The following CHPF variants were observed in gnomAD, a reference collection of about 807,000 sequenced individuals.
The protein encoded by CHPF is chondroitin polymerizing factor, also known as chondroitin polymerizing factor, non-catalytic subunit.
Under a neutral mutation model 55.1 loss-of-function variants are expected in CHPF, and 34 were observed. That is an observed-to-expected ratio of 0.62 (90% CI 0.47 to 0.82). The LOEUF is 0.82. Ranked by LOEUF, CHPF falls within the 40% of genes least tolerant of loss-of-function variation. CHPF has a pLI of 0.00. For missense variants in CHPF, 961 were observed against 1,106.1 expected (o/e 0.87, Z 1.86); for synonymous variants, 489 against 496.6 (o/e 0.98, Z 0.20).
Position 219,539,900 on chromosome 2 carries a change from T to C in CHPF, c.1811A>G (p.Lys604Arg), listed in dbSNP as rs1391811546. 1 of 1,613,684 alleles carries C rather than the reference T, an allele frequency of 6.2e-7. No homozygotes were observed. ...CAGGAACAGTGTGTCCAGCGGGTGC[T>C]TCTTGGAGAGTAGATCCATGAGGCG... ...PLRLMDLLSK[K>R]HPLDTLFLLA... The change falls in exon 4 of 4, where the codon AAG (lysine) becomes AGG (arginine). Residue 604 changes from lysine to arginine, a missense_variant. Physicochemically the swap from Lys to Arg is conservative, Grantham distance 26. Transcript: ENST00000243776.
Position 219,540,263 on chromosome 2 carries a change from C to G in CHPF, c.1448G>C (p.Arg483Pro), listed in dbSNP as rs775950895. 1.2e-6 allele frequency: 2 copies of G among 1,613,662 alleles called. No individual in the cohort carries two copies. Among genetic ancestry groups the G allele is most frequent in the African/African-American group, 2.7e-5 (2 of 74,938 alleles). ...TPQGGRRPLTRRVQLLRPLSR... is the reference protein window; with the variant it reads ...TPQGGRRPLTPRVQLLRPLSR... Reference sequence around the variant, plus strand: ...CAGCGGCCGGAGCAGCTGCACTCGGCGAGTGAGGGGCCGGCGGCCTCCCTG... The same window carrying G: ...CAGCGGCCGGAGCAGCTGCACTCGGGGAGTGAGGGGCCGGCGGCCTCCCTG... Residue 483 changes from arginine (R) to proline (P), a missense_variant, in exon 4 of 4, where the codon CGC becomes CCC. This residue lies in a region of CHPF where 936 missense variants were observed against 1,058.4 expected (regional missense o/e 0.88). Transcript: ENST00000243776.
chr2:219,542,216 T>A, intron 1 of CHPF, 27 bp from the exon 2 acceptor site: 1 of 164,192 alleles, frequency 6.1e-6, no homozygotes, highest in Non-Finnish European at 1.0e-5. Context: ...CACAAGCTTA[T>A]CAAAAGGACA....
Position 219,540,564 on chromosome 2 carries a change from A to G in CHPF, c.1147T>C (p.Ser383Pro). 1 of 1,613,678 alleles carries G rather than the reference A, an allele frequency of 6.2e-7. No individual in the cohort carries two copies. Among genetic ancestry groups the G allele is most frequent in the East Asian group, 2.2e-5 (1 of 44,842 alleles). Residue 383 changes from serine to proline, a missense_variant, in exon 4 of 4, where the codon TCC becomes CCC. Around this residue, in one of 3 missense-constraint regions of CHPF, gnomAD observed 936 missense variants for 1,058.4 expected, o/e 0.88. Transcript: ENST00000243776. ...ACCTCAAAGCGGGAGGCCGGGCGGG[A>G]TGGTGCTGGAATACCCACGGGCCAA... ...AAWPVGIPAPSRPASRFEVLR... is the reference protein window; with the variant it reads ...AAWPVGIPAPPRPASRFEVLR...
chr2:219,540,467 C>G lies in CHPF; in HGVS notation c.1244G>C (p.Arg415Pro). The G allele has an allele frequency of 6.2e-7, 1 of 1,613,964 alleles. No homozygotes were observed. Among genetic ancestry groups the G allele is most frequent in the Non-Finnish European group, 8.5e-7 (1 of 1,179,984 alleles). Residue 415 changes from arginine (R) to proline (P), a missense_variant, in exon 4 of 4, where the codon CGT (arginine) becomes CCT (proline). Arg to Pro is a moderately radical substitution (Grantham distance 103, BLOSUM62 -2). Transcript: ENST00000243776. ...GGCCACATCAGCCCGGTCAGCCCCA[C>G]GCAGTGGGCAGCGGGGTGAGCCATC... ...CADGSPRCPL[R>P]GADRADVADV...
chr2:219,540,224 A>T lies in CHPF; in HGVS notation c.1487T>A (p.Ile496Asn), dbSNP rs1484564799. The change falls in exon 4 of 4, where the codon ATC (isoleucine) becomes AAC (asparagine). Residue 496 changes from isoleucine to asparagine, a missense_variant. By Grantham distance (149) the Ile-to-Asn change is moderately radical. Transcript: ENST00000243776. ...QLLRPLSRVE[I>N]LPVPYVTEAS... ...CTCAGTGACATAGGGCACAGGCAAG[A>T]TCTCCACGCGGCTCAGCGGCCGGAG... The T allele has an allele frequency of 1.2e-6, 2 of 1,613,600 alleles. No homozygotes were observed. The highest frequency in any genetic ancestry group is 2.2e-5 in the South Asian group (2 of 91,048).
Position 219,543,717 on chromosome 2 carries a change from A to G in CHPF, c.-179T>C, listed in dbSNP as rs1695328592. On this transcript the variant is annotated 5_prime_UTR_variant, in exon 1 of 4. Transcript: ENST00000243776. ...GCCGAATCCCCGGAGCCGCGCCTCG[A>G]TTCCCCTCCAGCAGCTGCTCTGGGC... is the stretch of plus-strand genomic sequence containing the variant. 6.8e-6 allele frequency: 3 copies of G among 438,742 alleles called. No homozygotes were observed. The highest frequency in any genetic ancestry group is 1.2e-5 in the Non-Finnish European group (3 of 256,294). 27.2% of individuals were successfully genotyped at this position (438,742 alleles called of 1,614,324 possible). A position where few individuals can be genotyped will look rare whatever the true frequency, so the allele number is the denominator to read the frequency against.
rs780735338 is a variant in CHPF at position 219,539,905 on chromosome 2, G to A, written c.1806C>T (p.Ser602=). 4 of 1,613,704 alleles carry A rather than the reference G, an allele frequency of 2.5e-6. No individual in the cohort carries two copies. In the East Asian group the frequency reaches 8.9e-5, roughly 36 times the overall value. The change falls in exon 4 of 4, where the codon TCC becomes TCT. Residue 602 remains serine (S), a synonymous_variant. Transcript: ENST00000243776. The part of the protein sequence containing the change: ...PSPLRLMDLL[S]KKHPLDTLFL... ...ACAGTGTGTCCAGCGGGTGCTTCTT[G>A]GAGAGTAGATCCATGAGGCGCAGTG...
intron 1 of CHPF, 96 bp downstream of exon 1, chr2:219,543,129 C>T (rs1373356326): frequency 1.1e-5 from 15 of 1,370,818 alleles, no homozygotes; most frequent in Non-Finnish European, 1.4e-5. Context: ...GGCTCGCCAG[C>T]CCCTTCCTTC....
At chr2:219,543,057 C>G in intron 1 of CHPF, 168 bp downstream of exon 1, 1 of 1,360,324 alleles carries the variant, frequency 7.4e-7, no homozygotes, top group Non-Finnish European at 9.4e-7. Flanking sequence ...AAGTCTCGGA[C>G]TGGCCCCACG....
Position 219,539,302 on chromosome 2 carries a change from G to C in CHPF, c.*81C>G. 7.2e-7 allele frequency: 1 copy of C among 1,392,250 alleles called. No individual in the cohort carries two copies. Among genetic ancestry groups the C allele is most frequent in the Non-Finnish European group, 9.7e-7 (1 of 1,029,444 alleles). 86.2% of individuals were successfully genotyped at this position (1,392,250 alleles called of 1,614,324 possible). On this transcript the variant is annotated 3_prime_UTR_variant, in exon 4 of 4. Transcript: ENST00000243776. ...CTGGCTACGGCCAGCCCTGCCCAGC[G>C]AGGCTGGCAGGTGGCTCTGGTTTTG... is the stretch of plus-strand genomic sequence containing the variant.
Position 219,540,963 on chromosome 2 carries a change from C to G in CHPF, c.1051G>C (p.Glu351Gln). The change falls in exon 3 of 4, where the codon GAG (glutamate) becomes CAG (glutamine). Residue 351 changes from glutamate to glutamine, a missense_variant. Glu to Gln is a conservative substitution (Grantham distance 29). Around this residue, in one of 3 missense-constraint regions of CHPF, gnomAD observed 936 missense variants for 1,058.4 expected, o/e 0.88. Transcript: ENST00000243776. ...ARAELERTYQ[E>Q]IQELQWEIQN... ...GACCATACCTGTAACTCCTGGATCTCCTGGTACGTGCGTTCCAGTTCAGCT... is the reference window on the plus strand; with the variant it reads ...GACCATACCTGTAACTCCTGGATCTGCTGGTACGTGCGTTCCAGTTCAGCT... 1 of 1,613,944 alleles carries G rather than the reference C, an allele frequency of 6.2e-7. No individual in the cohort carries two copies. The highest frequency in any genetic ancestry group is 8.5e-7 in the Non-Finnish European group (1 of 1,179,938).
intron 3 of CHPF, 65 bp from the exon 4 acceptor site, chr2:219,540,707 C>A: frequency 6.8e-7 from 1 of 1,475,028 alleles, no homozygotes; most frequent in Non-Finnish European, 9.1e-7. Context: ...AGCTGGGGGA[C>A]TGGGTAGGCA....
rs1250184917 is a variant in CHPF, at chr2:219,539,487, C to T, written c.2224G>A (p.Glu742Lys). ...TGGAGGCAGCGGTGGTACAGGTCCT[C>T]ACTGAGCCTCGCGCTGCACGTCTGG... The part of the protein sequence containing the change: ...RAQTCSARLS[E>K]DLYHRCLQSV... The change falls in exon 4 of 4, where the codon GAG becomes AAG. Residue 742 changes from glutamate (E) to lysine (K), a missense_variant. Glu to Lys is a moderately conservative substitution (Grantham distance 56). Coordinates refer to ENST00000243776, the MANE Select transcript of CHPF (RefSeq NM_024536.6). The T allele has an allele frequency of 6.2e-7, 1 of 1,613,702 alleles. No individual in the cohort carries two copies. The highest frequency in any genetic ancestry group is 1.7e-5 in the Admixed American group (1 of 60,014).
chr2:219,540,062 T>C lies in CHPF; in HGVS notation c.1649A>G (p.Glu550Gly). 2 of 1,610,696 alleles carry C rather than the reference T, an allele frequency of 1.2e-6. No homozygotes were observed. Among genetic ancestry groups the C allele is most frequent in the Non-Finnish European group, 1.7e-6 (2 of 1,178,766 alleles). ...GGCCACGCGCTGGGCCTGGCGCGGCTCATACAGTAGCAGCAGGGTCAGGGC... is the reference window on the plus strand; with the variant it reads ...GGCCACGCGCTGGGCCTGGCGCGGCCCATACAGTAGCAGCAGGGTCAGGGC... Reference protein sequence around the residue: ...AAALTLLLLYEPRQAQRVAHA... With the variant: ...AAALTLLLLYGPRQAQRVAHA... Residue 550 changes from glutamate (E) to glycine (G), a missense_variant, in exon 4 of 4, where the codon GAG becomes GGG. Glu to Gly is a moderately conservative substitution (Grantham distance 98). Coordinates refer to ENST00000243776, the MANE Select transcript of CHPF (RefSeq NM_024536.6).
At chr2:219,541,304 C>T (rs140826241) in intron 2 of CHPF, among the ~76,000 whole-genome samples, 179 bp from the exon 3 acceptor site, 7 of 152,270 alleles carry the variant, frequency 4.6e-5, no homozygotes, top group Non-Finnish European at 5.9e-5. Context: ...AGCTCATCTG[C>T]GAAATGGGCA....
In CHPF at chr2:219,540,582, C is replaced by T. The variant is rs765669300; in HGVS notation, c.1129G>A (p.Val377Met). The part of the protein sequence containing the change: ...VDGDQAAAWP[V>M]GIPAPSRPAS... ...GGGCGGGATGGTGCTGGAATACCCA[C>T]GGGCCAAGCAGCTGCCTGGTCCCCA... is the stretch of plus-strand genomic sequence containing the variant. Residue 377 changes from valine to methionine, a missense_variant, in exon 4 of 4, where the codon GTG (valine) becomes ATG (methionine). Coordinates refer to ENST00000243776, the MANE Select transcript of CHPF (RefSeq NM_024536.6). 55 of 1,612,812 alleles carry T rather than the reference C, an allele frequency of 3.4e-5. 1 individual carries two copies. The Admixed American group carries it at 5.2e-4, about 15-fold the overall frequency.
chr2:219,543,140 C>T, intron 1 of CHPF, 85 bp downstream of exon 1: 1 of 1,372,684 alleles, frequency 7.3e-7, no homozygotes, highest in Non-Finnish European at 9.3e-7. Flanking sequence ...CCCTTCCTTC[C>T]GGAGCCTGAC....
Position 219,541,063 on chromosome 2 carries a change from A to G in CHPF, c.951T>C (p.His317=). 6.2e-7 allele frequency: 1 copy of G among 1,613,634 alleles called. No individual in the cohort carries two copies. The highest frequency in any genetic ancestry group is 8.5e-7 in the Non-Finnish European group (1 of 1,179,798). Residue 317 remains histidine (H), a synonymous_variant, in exon 3 of 4, where the codon CAT becomes CAC. Coordinates refer to ENST00000243776, the MANE Select transcript of CHPF (RefSeq NM_024536.6). ...GGTGGGCTGTCAGGGCACTTCGGAA[A>G]TGAGGGTCCCCCTCCTGCACTGGCT... The part of the protein sequence containing the change: ...PGEPVQEGDP[H]FRSALTAHPV...
rs1333777105 is a variant in CHPF at position 219,539,462 on chromosome 2, T to C, written c.2249A>G (p.Gln750Arg). 2 of 1,613,536 alleles carry C rather than the reference T, an allele frequency of 1.2e-6. No homozygotes were observed. The highest frequency in any genetic ancestry group is 3.4e-4 in the Middle Eastern group (2 of 5,952). Residue 750 changes from glutamine to arginine, a missense_variant, in exon 4 of 4, where the codon CAG (glutamine) becomes CGG (arginine). Coordinates refer to ENST00000243776, the MANE Select transcript of CHPF (RefSeq NM_024536.6). ...LSEDLYHRCL[Q>R]SVLEGLGSRT... ...GGAGCCGAGGCCCTCAAGCACGCTC[T>C]GGAGGCAGCGGTGGTACAGGTCCTC...
Sources: allele counts gnomAD v4.1 joint callset (sites outside exome capture counted in the v4.1 genomes callset), GRCh38; gene constraint gnomAD v4.1.1; regional missense constraint gnomAD v4.1.1; transcripts MANE v1.5; gene names NCBI Gene and HGNC (gene_info 2026-07-23, HGNC 2026-07-21).